The following LARP4B variants were observed in gnomAD, a reference collection of about 807,000 sequenced individuals.
LARP4B encodes la-related protein 4B.
In LARP4B, 12 loss-of-function variants were observed where a neutral mutation model predicts 89.8. The observed-to-expected ratio is 0.13, with a 90% CI of 0.09 to 0.22. The LOEUF (loss-of-function observed/expected upper bound fraction) is 0.22, where lower values mean the gene tolerates loss of function less well. LARP4B is among the 10% of genes least tolerant of loss of function. The pLI, the probability that LARP4B is intolerant of heterozygous loss-of-function variation, is 1.00. For synonymous variants in LARP4B, 367 were observed against 363.3 expected (o/e 1.01, Z -0.12); for missense variants, 757 against 947.7 (o/e 0.80, Z 2.64).
rs1301650521 is a variant in LARP4B, at chr10:810,434, A to C, written c.*2492T>G. The C allele has an allele frequency of 6.6e-6, 1 of 152,232 alleles. No homozygotes were observed. Among genetic ancestry groups the C allele is most frequent in the Non-Finnish European group, 1.5e-5 (1 of 68,040 alleles). The allele number at this position is 152,232 out of a possible 1,614,324, so 9.4% of individuals were successfully genotyped here. A position where few individuals can be genotyped will look rare whatever the true frequency, so the allele number is the denominator to read the frequency against. On this transcript the variant is annotated 3_prime_UTR_variant, in exon 18 of 18. Transcript: ENST00000316157. ...CTGCTGCTGGCTAGGCAGTAACTAC[A>C]GTGTATTGACCGGAGGGCAGCAGAG...
chr10:938,045 T>C, the LARP4B span, among the ~76,000 whole-genome samples: 1 of 146,880 alleles, frequency 6.8e-6, no homozygotes, highest in Non-Finnish European at 1.5e-5. Context: ...CCACCACACC[T>C]GGCTAACTTT....
At chr10:958,944 A>T in the LARP4B span, among the ~76,000 whole-genome samples, 6 of 152,230 alleles carry the variant, frequency 3.9e-5, no homozygotes, top group African/African-American at 1.4e-4. Flanking sequence ...AGAAGGACAA[A>T]GAGCCCAGGA....
chr10:949,121 G>A, the LARP4B span, among the ~76,000 whole-genome samples: 12 of 150,710 alleles, frequency 8.0e-5, no homozygotes, highest in African/African-American at 2.7e-4. Flanking sequence ...CACCAGCCCC[G>A]AGTGAGTGAA....
chr10:821,873 C>T (rs1340477506), intron 13 of LARP4B, among the ~76,000 whole-genome samples: 9 of 152,174 alleles, frequency 5.9e-5, no homozygotes, highest in African/African-American at 9.7e-5. Flanking sequence ...TGGTGCCTTG[C>T]GGAGACTGCA....
the LARP4B span, among the ~76,000 whole-genome samples, chr10:974,193 G>A: frequency 1.8e-4 from 27 of 152,246 alleles, no homozygotes; most frequent in South Asian, 4.8e-3. Flanking sequence ...CAGACAGCAC[G>A]GGGTAACCAG....
chr10:878,738 T>C (rs984701912), intron 3 of LARP4B, among the ~76,000 whole-genome samples: 7 of 152,174 alleles, frequency 4.6e-5, no homozygotes, highest in Non-Finnish European at 1.0e-4. Context: ...TTCCTCCCAG[T>C]GATGTGACTA....
At chr10:956,254 T>C in the LARP4B span, among the ~76,000 whole-genome samples, 2 of 152,072 alleles carry the variant, frequency 1.3e-5, no homozygotes, top group African/African-American at 4.8e-5. The surrounding 1 kb of genome is among the most constrained non-coding windows in gnomAD (Gnocchi z 4.3). Context: ...CACAGTTACG[T>C]TATGGGAGTA....
chr10:860,271 C>A (rs924544867), intron 5 of LARP4B, among the ~76,000 whole-genome samples: 1 of 152,084 alleles, frequency 6.6e-6, no homozygotes, highest in Admixed American at 6.5e-5. Flanking sequence ...ATTAAAGCCA[C>A]AGTAAGATTC....
At chr10:878,677 G>A (rs969809958) in intron 3 of LARP4B, among the ~76,000 whole-genome samples, 1 of 152,146 alleles carries the variant, frequency 6.6e-6, no homozygotes, top group Admixed American at 6.5e-5. Flanking sequence ...GGACACCGGG[G>A]CCTAGGAAGG....
the LARP4B span, among the ~76,000 whole-genome samples, chr10:978,158 T>C: frequency 6.6e-6 from 1 of 152,244 alleles, no homozygotes; most frequent in African/African-American, 2.4e-5. Flanking sequence ...CTTTTCCTTA[T>C]CAACTTTTGT....
the LARP4B span, among the ~76,000 whole-genome samples, chr10:946,256 C>G: frequency 2.6e-5 from 4 of 152,168 alleles, no homozygotes; most frequent in African/African-American, 9.7e-5. Context: ...TAAAAATGAC[C>G]TTTTAAACAT....
At chr10:977,804 A>G in the LARP4B span, among the ~76,000 whole-genome samples, 1 of 152,194 alleles carries the variant, frequency 6.6e-6, no homozygotes, top group South Asian at 2.1e-4. Context: ...TTGAGCATCC[A>G]CTGATTTGGG....
At chr10:885,411 T>C (rs1428422502) in intron 2 of LARP4B, among the ~76,000 whole-genome samples, 1 of 152,206 alleles carries the variant, frequency 6.6e-6, no homozygotes, top group East Asian at 1.9e-4. Context: ...AACTTATTAC[T>C]AAATAAATGT....
intron 5 of LARP4B, among the ~76,000 whole-genome samples, chr10:848,056 T>C (rs1466724294): frequency 2.0e-5 from 3 of 152,212 alleles, no homozygotes; most frequent in Non-Finnish European, 4.4e-5. Flanking sequence ...CCAGGTTCTT[T>C]GCAAAGCACG....
At chr10:900,299 A>G (rs1471547222) in intron 1 of LARP4B, among the ~76,000 whole-genome samples, 1 of 152,108 alleles carries the variant, frequency 6.6e-6, no homozygotes, top group African/African-American at 2.4e-5. Context: ...GTGAGCCAAG[A>G]TCGCACCATT....
intron 1 of LARP4B, among the ~76,000 whole-genome samples, chr10:891,910 T>C (rs1025719208): frequency 6.6e-6 from 1 of 152,234 alleles, no homozygotes; most frequent in African/African-American, 2.4e-5. Context: ...TAAAATGAGA[T>C]TTAAAGAATG....
rs1249382226 is a variant in LARP4B at position 843,078 on chromosome 10, G to T, written c.510-10C>A. On this transcript the variant is annotated splice_polypyrimidine_tract_variant and intron_variant, in intron 6 of 17. Transcript: ENST00000316157. ...ACTAGCAAGGTTCTCCCTGTTGAAA[G>T]AAAACAATCTCTTTTAATCAGTATT... 6.2e-7 allele frequency: 1 copy of T among 1,611,168 alleles called. No homozygotes were observed. The highest frequency in any genetic ancestry group is 1.7e-5 in the Admixed American group (1 of 59,576).
At chr10:849,101 G>A (rs985203701) in intron 5 of LARP4B, among the ~76,000 whole-genome samples, 5 of 152,128 alleles carry the variant, frequency 3.3e-5, no homozygotes, top group African/African-American at 4.8e-5. Flanking sequence ...GCCGGAGGAA[G>A]TGGAGCAAAA....
chr10:949,257 G>A, the LARP4B span, among the ~76,000 whole-genome samples: 1 of 150,780 alleles, frequency 6.6e-6, no homozygotes, highest in African/African-American at 2.5e-5. Flanking sequence ...CCCCGCGTGA[G>A]TGAGTGATCT....
Sources: gnomAD v4.1 joint callset for allele counts (sites outside exome capture counted in the v4.1 genomes callset) on GRCh38, gnomAD v4.1.1 for gene constraint, Gnocchi (gnomAD v3.1) non-coding constraint, MANE v1.5 for transcripts, NCBI Gene and HGNC (gene_info 2026-07-23, HGNC 2026-07-21) for gene names.